Variants in ETF1 observed in about 807,000 individuals in gnomAD.
ETF1 encodes eukaryotic peptide chain release factor subunit 1.
A neutral mutation model predicts 55.1 loss-of-function variants in ETF1; 4 were observed. The ratio of observed to expected loss-of-function variants is 0.07; its 90% CI spans 0.04 to 0.17. The LOEUF is 0.17. ETF1 is among the 10% of genes least tolerant of loss of function. The pLI is 1.00. For synonymous variants in ETF1, 157 were observed against 182.3 expected (o/e 0.86, Z 1.12); for missense variants, 142 against 523.6 (o/e 0.27, Z 7.11).
chr5:138,537,786 T>G (rs1408548862), intron 2 of ETF1, among the ~76,000 whole-genome samples: 1 of 151,714 alleles, frequency 6.6e-6, no homozygotes, highest in Admixed American at 6.6e-5. Flanking sequence ...TTCACTGTGT[T>G]AGCCAGGATG....
intron 4 of ETF1, 33 bp downstream of exon 4, chr5:138,517,528 A>C: frequency 7.2e-7 from 1 of 1,397,126 alleles, no homozygotes; most frequent in Admixed American, 1.9e-5. Context: ...AGAATTCTGG[A>C]GCGATGAAAA....
In ETF1 at chr5:138,508,295, T is replaced by C; in HGVS notation, c.*10A>G. On this transcript the variant is annotated 3_prime_UTR_variant, in exon 11 of 11. Transcript: ENST00000360541. ...GGTGAGGCACGTTTTGCCGGACCCA[T>C]GTCGACTACCTAGTAGTCATCAAGG... The C allele has an allele frequency of 6.2e-7, 1 of 1,612,554 alleles. No homozygotes were observed. The highest frequency in any genetic ancestry group is 8.5e-7 in the Non-Finnish European group (1 of 1,179,652).
At chr5:138,519,315 T>A (rs1276964195) in intron 2 of ETF1, 1 of 379,060 alleles carries the variant, frequency 2.6e-6, no homozygotes, top group African/African-American at 2.2e-5. Context: ...AATTTAGTAT[T>A]CTAATGATGG....
intron 2 of ETF1, among the ~76,000 whole-genome samples, chr5:138,527,646 C>T (rs1765529528): frequency 6.6e-6 from 1 of 152,078 alleles, no homozygotes; most frequent in Admixed American, 6.6e-5. Flanking sequence ...GGGGTCCACT[C>T]ATGCACAGGG....
In ETF1 at chr5:138,507,800, C is replaced by T. The variant is rs1229403715; in HGVS notation, c.*505G>A. The T allele has an allele frequency of 6.5e-6, 1 of 153,204 alleles. No individual in the cohort carries two copies. The highest frequency in any genetic ancestry group is 1.5e-5 in the Non-Finnish European group (1 of 68,474). The allele number at this position is 153,204 out of a possible 1,614,324, so 9.5% of individuals were successfully genotyped here. A position where few individuals can be genotyped will look rare whatever the true frequency, so the allele number is the denominator to read the frequency against. On this transcript the variant is annotated 3_prime_UTR_variant, in exon 11 of 11. Coordinates refer to ENST00000360541, the MANE Select transcript of ETF1 (RefSeq NM_004730.4). ...AGAGAGAAATGGTTCCAACATTTCA[C>T]CACATATATTTCTTCTTACGCAGTC...
At chr5:138,530,916 G>A (rs1438128724) in intron 2 of ETF1, among the ~76,000 whole-genome samples, 1 of 152,132 alleles carries the variant, frequency 6.6e-6, no homozygotes, top group Non-Finnish European at 1.5e-5. Context: ...CACTGCATCT[G>A]GCTTGCTTTC....
At chr5:138,509,659 C>T (rs1345328597) in intron 9 of ETF1, among the ~76,000 whole-genome samples, 5 of 152,018 alleles carry the variant, frequency 3.3e-5, no homozygotes, top group African/African-American at 1.2e-4. Flanking sequence ...TTTTGGGAGG[C>T]TAAGGCAGGT....
intron 8 of ETF1, 180 bp from the exon 9 acceptor site, chr5:138,510,809 C>T: frequency 1.5e-6 from 1 of 684,732 alleles, no homozygotes; most frequent in South Asian, 6.6e-5. Flanking sequence ...CCATAAGGAA[C>T]ATCAGAGATG....
At chr5:138,519,900 T>C (rs965562606) in intron 2 of ETF1, among the ~76,000 whole-genome samples, 21 of 151,372 alleles carry the variant, frequency 1.4e-4, no homozygotes, top group African/African-American at 2.2e-4. Flanking sequence ...TGTTGTCTCA[T>C]TGCGGTTTTG....
chr5:138,526,822 TC>T (rs71574425), intron 2 of ETF1, among the ~76,000 whole-genome samples: 5,262 of 152,108 alleles, frequency 0.035, 142 homozygotes, highest in Middle Eastern at 0.079. Context: ...TGCCTCAGCC[TC>T]CTGAGGAGCT....
At chr5:138,528,989 T>C (rs1019927488) in intron 2 of ETF1, among the ~76,000 whole-genome samples, 1 of 151,752 alleles carries the variant, frequency 6.6e-6, no homozygotes, top group Non-Finnish European at 1.5e-5. Context: ...CTACTAAAAA[T>C]ACAAAAACTA....
At chr5:138,510,841 T>G in intron 8 of ETF1, 1 of 763,328 alleles carries the variant, frequency 1.3e-6, no homozygotes, top group Non-Finnish European at 1.6e-6. Flanking sequence ...GTCCTGGTCC[T>G]CAGCAGATGT....
At chr5:138,519,552 A>T (rs574144311) in intron 2 of ETF1, among the ~76,000 whole-genome samples, 129 of 151,834 alleles carry the variant, frequency 8.5e-4, no homozygotes, top group Non-Finnish European at 1.6e-3. Flanking sequence ...AATCCCAGCT[A>T]TTCAGGTGGC....
rs371903132 is a variant in ETF1, at chr5:138,508,618, C to A, written c.1231+51G>T. The A allele has an allele frequency of 2.3e-5, 37 of 1,607,304 alleles. No individual in the cohort carries two copies. The African/African-American group carries it at 4.3e-4, about 19-fold the overall frequency. On this transcript the variant is annotated intron_variant, in intron 10 of 10. Coordinates refer to ENST00000360541, the MANE Select transcript of ETF1 (RefSeq NM_004730.4). ...CAGGGCTAGGGCTAGCCAGGAGGGACCTTGACCTGAGACCCTGGTTTTAAG... is the reference window on the plus strand; with the variant it reads ...CAGGGCTAGGGCTAGCCAGGAGGGAACTTGACCTGAGACCCTGGTTTTAAG...
intron 2 of ETF1, chr5:138,529,574 C>T (rs1404414946): frequency 1.0e-6 from 1 of 985,098 alleles, no homozygotes; most frequent in African/African-American, 1.7e-5. Context: ...TCCCTCAAAG[C>T]TCCCAGGGGC....
At chr5:138,525,560 G>C (rs1765433847) in intron 2 of ETF1, among the ~76,000 whole-genome samples, 1 of 152,180 alleles carries the variant, frequency 6.6e-6, no homozygotes, top group Admixed American at 6.5e-5. Flanking sequence ...CTAAAGGCTG[G>C]CTTTAGTACA....
chr5:138,512,719 T>C (rs1764869086), intron 6 of ETF1, 45 bp downstream of exon 6: 3 of 1,519,664 alleles, frequency 2.0e-6, no homozygotes, highest in Non-Finnish European at 2.6e-6. Flanking sequence ...ACTCACCTAC[T>C]CCTACCTAGG....
chr5:138,526,668 C>CT (rs1365682850), intron 2 of ETF1, among the ~76,000 whole-genome samples: 1 of 151,976 alleles, frequency 6.6e-6, no homozygotes, highest in Admixed American at 6.6e-5. Context: ...TCTGGAGTAG[C>CT]TGGGATTACA....
At chr5:138,524,339 C>T (rs572256047) in intron 2 of ETF1, among the ~76,000 whole-genome samples, 4 of 151,648 alleles carry the variant, frequency 2.6e-5, no homozygotes, top group African/African-American at 4.8e-5. Context: ...GGTGACAGAC[C>T]GAGACTGTCA....
Sources: allele counts gnomAD v4.1 joint callset (sites outside exome capture counted in the v4.1 genomes callset), GRCh38; gene constraint gnomAD v4.1.1; transcripts MANE v1.5; gene names NCBI Gene and HGNC (gene_info 2026-07-23, HGNC 2026-07-21).